LMAN1: variants seen among roughly 807,000 people sequenced by gnomAD.
LMAN1 encodes lectin, mannose binding 1.
Under a neutral mutation model 67.8 loss-of-function variants are expected in LMAN1, and 32 were observed. That is an observed-to-expected ratio of 0.47 (90% confidence interval 0.36 to 0.63). The LOEUF is 0.63. Among genes scored for constraint, LMAN1 ranks in the 30% least tolerant of loss-of-function variants. The pLI is 0.00. For synonymous variants in LMAN1, 235 were observed against 219.3 expected, an observed-to-expected ratio of 1.07 and a Z score of -0.63; for missense variants, 632 against 628.2, an observed-to-expected ratio of 1.01 and a Z score of -0.06.
In LMAN1 at chr18:59,355,431, G is replaced by GT. The variant is rs764179746; in HGVS notation, c.370-12dup. 1 of 1,613,900 alleles carries GT rather than the reference G, an allele frequency of 6.2e-7. No homozygotes were observed. The highest frequency in any genetic ancestry group is 8.5e-7 in the Non-Finnish European group (1 of 1,179,770). On this transcript the variant is annotated splice_polypyrimidine_tract_variant and intron_variant, in intron 2 of 12. Coordinates refer to ENST00000251047, the MANE Select transcript of LMAN1 (RefSeq NM_005570.4). ...TGCATACCAAATTGCCTGAAAATAT[G>GT]TAATAGGGAACAGTTAGAGGCTAGT...
rs1200652888 is a variant in LMAN1, at chr18:59,329,521, GA to G, written c.*1571del. 6.6e-6 allele frequency: 1 copy of G among 152,008 alleles called. No individual in the cohort carries two copies. Among genetic ancestry groups the G allele is most frequent in the East Asian group, 1.9e-4 (1 of 5,196 alleles). The allele number at this position is 152,008 out of a possible 1,614,324, so 9.4% of individuals were successfully genotyped here. A position where few individuals can be genotyped will look rare whatever the true frequency, so the allele number is the denominator to read the frequency against. On this transcript the variant is annotated 3_prime_UTR_variant, in exon 13 of 13. Coordinates refer to ENST00000251047, the MANE Select transcript of LMAN1 (RefSeq NM_005570.4). ...ATTTCAAAATGTTAACACTACAAAA[GA>G]AAAATGCTAGAGAAGCATTTTCTGT...
rs941140082 is a variant in LMAN1, at chr18:59,330,643, T to C, written c.*450A>G. The C allele has an allele frequency of 6.4e-6, 1 of 156,380 alleles. No individual in the cohort carries two copies. The highest frequency in any genetic ancestry group is 2.4e-5 in the African/African-American group (1 of 41,522). The allele number at this position is 156,380 out of a possible 1,614,324, so 9.7% of individuals were successfully genotyped here. A position where few individuals can be genotyped will look rare whatever the true frequency, so the allele number is the denominator to read the frequency against. On this transcript the variant is annotated 3_prime_UTR_variant, in exon 13 of 13. Transcript: ENST00000251047. Reference sequence around the variant, plus strand: ...TGAAAGGACTGCAGGCCCAGGCCTTTGATTAGGAAGTCTGACCTCTAAAAA... The same window carrying C: ...TGAAAGGACTGCAGGCCCAGGCCTTCGATTAGGAAGTCTGACCTCTAAAAA...
chr18:59,357,643 T>C (rs189982275), intron 1 of LMAN1, among the ~76,000 whole-genome samples: 1 of 152,332 alleles, frequency 6.6e-6, no homozygotes, highest in East Asian at 1.9e-4. Flanking sequence ...AACTACTTAA[T>C]GACTTGGTCA....
intron 5 of LMAN1, chr18:59,352,909 A>G (rs545046468): frequency 4.4e-5 from 9 of 205,714 alleles, no homozygotes; most frequent in South Asian, 2.6e-4. Flanking sequence ...TTATCCGTCT[A>G]TCTATCTATC....
intron 1 of LMAN1, 26 bp from the exon 2 acceptor site, chr18:59,355,684 G>C: frequency 4.3e-6 from 7 of 1,609,784 alleles, no homozygotes; most frequent in Non-Finnish European, 5.9e-6. Context: ...GGGGAAAAAA[G>C]CTTTAAGTTA....
rs1369482301 is a variant in LMAN1 at position 59,353,223 on chromosome 18, G to C, written c.618C>G (p.Thr206=). 2.5e-6 allele frequency: 4 copies of C among 1,613,748 alleles called. No individual in the cohort carries two copies. The highest frequency in any genetic ancestry group is 3.4e-6 in the Non-Finnish European group (4 of 1,179,702). The change falls in exon 5 of 13, where the codon ACC becomes ACG. Residue 206 remains threonine, a synonymous_variant. Transcript: ENST00000251047. ...NKPYPVRAKI[T]YYQNTLTVMI... ...TTACTGTCAGTGTGTTCTGGTAATAGGTAATCTTTGCTCGGACAGGATAGG... is the reference window on the plus strand; with the variant it reads ...TTACTGTCAGTGTGTTCTGGTAATACGTAATCTTTGCTCGGACAGGATAGG...
rs377175404 is a variant in LMAN1 at position 59,355,417 on chromosome 18, T to C, written c.373A>G (p.Ile125Val). ...AAGCCTTGATTTTCTGCATACCAAA[T>C]TGCCTGAAAATATGTAATAGGGAAC... ...RGRIGADGLAIWYAENQGLEG... is the reference protein window; with the variant it reads ...RGRIGADGLAVWYAENQGLEG... The change falls in exon 3 of 13, where the codon ATT (isoleucine) becomes GTT (valine). Residue 125 changes from isoleucine to valine, a missense_variant. By Grantham distance (29) the Ile-to-Val change is conservative (BLOSUM62 3). Coordinates refer to ENST00000251047, the MANE Select transcript of LMAN1 (RefSeq NM_005570.4). 3.7e-6 allele frequency: 6 copies of C among 1,614,084 alleles called. No homozygotes were observed. The highest frequency in any genetic ancestry group is 4.5e-5 in the East Asian group (2 of 44,882).
Position 59,355,627 on chromosome 18 carries a change from T to G in LMAN1, c.246A>C (p.Val82=), listed in dbSNP as rs751715282. Residue 82 remains valine (V), a synonymous_variant, in exon 2 of 13, where the codon GTA becomes GTC. Transcript: ENST00000251047. ...NAIPSSDQIR[V]APSLKSQRGS... ...CTCTTTGGCTTTTTAAAGATGGTGC[T>G]ACTCGAATTTGATCTGAACTTGGAA... 3.7e-6 allele frequency: 6 copies of G among 1,614,066 alleles called. 1 individual carries two copies. The South Asian group carries it at 5.5e-5, about 15-fold the overall frequency.
chr18:59,345,047 A>G (rs1339150995), intron 8 of LMAN1, among the ~76,000 whole-genome samples: 1 of 152,236 alleles, frequency 6.6e-6, no homozygotes. Context: ...AATACTTTTC[A>G]AACACTAAAG....
intron 8 of LMAN1, among the ~76,000 whole-genome samples, chr18:59,342,952 T>C (rs1267312500): frequency 6.6e-6 from 1 of 151,830 alleles, no homozygotes; most frequent in Non-Finnish European, 1.5e-5. Flanking sequence ...AATTCAGTAA[T>C]GTTTCAAGAT....
chr18:59,339,104 T>C, intron 8 of LMAN1, 151 bp from the exon 9 acceptor site: 1 of 659,130 alleles, frequency 1.5e-6, no homozygotes, highest in Non-Finnish European at 2.7e-6. Flanking sequence ...TGCAAATAAT[T>C]AATTCAATAA....
At chr18:59,337,409 G>A (rs969472937) in intron 10 of LMAN1, among the ~76,000 whole-genome samples, 4 of 152,042 alleles carry the variant, frequency 2.6e-5, no homozygotes, top group Admixed American at 2.0e-4. Flanking sequence ...CCTTGGTGGA[G>A]AAACTGATAA....
intron 10 of LMAN1, among the ~76,000 whole-genome samples, chr18:59,334,134 C>T (rs892708954): frequency 1.3e-5 from 2 of 152,140 alleles, no homozygotes; most frequent in Admixed American, 1.3e-4. Context: ...AGACCAAAAC[C>T]TCACAGAGTA....
rs985022944 is a variant in LMAN1 at position 59,357,706 on chromosome 18, T to C, written c.214+1325A>G. On this transcript the variant is annotated intron_variant, in intron 1 of 12. Transcript: ENST00000251047. ...CAATTACACATTAATTTGAGAGAAA[T>C]AGCGCTTCCTAAAAGGGTGCTTCCT... 3.3e-5 allele frequency among the ~76,000 whole-genome samples: 5 copies of C among 152,256 alleles called. No homozygotes were observed. In the East Asian group the frequency reaches 5.8e-4, roughly 18 times the overall value.
chr18:59,350,792 G>A (rs1227885680), intron 5 of LMAN1, among the ~76,000 whole-genome samples: 1 of 152,106 alleles, frequency 6.6e-6, no homozygotes, highest in Admixed American at 6.5e-5. Context: ...ACCGCGCCCG[G>A]CCCCAATTTT....
chr18:59,349,707 G>A (rs562987742), intron 5 of LMAN1, among the ~76,000 whole-genome samples: 1 of 152,272 alleles, frequency 6.6e-6, no homozygotes, highest in African/African-American at 2.4e-5. Flanking sequence ...ACTGTCACAG[G>A]TTAGCAGAGA....
chr18:59,338,966 T>G lies in LMAN1; in HGVS notation c.956-13A>C. The G allele has an allele frequency of 3.1e-6, 5 of 1,607,242 alleles. No homozygotes were observed. The highest frequency in any genetic ancestry group is 4.2e-6 in the Non-Finnish European group (5 of 1,177,430). On this transcript the variant is annotated splice_polypyrimidine_tract_variant and intron_variant, in intron 8 of 12. Transcript: ENST00000251047. ...AATATTTCCTCCGCTGAAAAGGAAATAAATAAAAATGATCAGAGTCACCTA... is the reference window on the plus strand; with the variant it reads ...AATATTTCCTCCGCTGAAAAGGAAAGAAATAAAAATGATCAGAGTCACCTA...
chr18:59,355,736 A>T, intron 1 of LMAN1, 78 bp from the exon 2 acceptor site: 1 of 1,460,552 alleles, frequency 6.8e-7, no homozygotes, highest in Non-Finnish European at 9.5e-7. Flanking sequence ...ACTGCTAAAT[A>T]TACCTACAGA....
chr18:59,341,911 T>TA (rs1194461893), intron 8 of LMAN1, among the ~76,000 whole-genome samples: 1 of 151,866 alleles, frequency 6.6e-6, no homozygotes, highest in African/African-American at 2.4e-5. Context: ...CTTGAAAAGA[T>TA]AAACAAAATT....
Sources: allele counts gnomAD v4.1 joint callset (sites outside exome capture counted in the v4.1 genomes callset), GRCh38; gene constraint gnomAD v4.1.1; transcripts MANE v1.5; gene names NCBI Gene and HGNC (gene_info 2026-07-23, HGNC 2026-07-21).